The following PEAK1 variants were observed in gnomAD, a reference collection of about 807,000 sequenced individuals.
PEAK1 encodes the protein pseudopodium enriched atypical kinase 1, also known as inactive tyrosine-protein kinase PEAK1.
PEAK1 carries 54 observed loss-of-function variants against 124.7 expected under a neutral mutation model. That is an observed-to-expected ratio of 0.43 (90% CI 0.35 to 0.54). The LOEUF (loss-of-function observed/expected upper bound fraction) is 0.54. Among genes scored for constraint, PEAK1 ranks in the 20% least tolerant of loss-of-function variants. The pLI, the probability that PEAK1 is intolerant of heterozygous loss-of-function variation, is 0.01. For synonymous variants in PEAK1, 719 were observed against 760.0 expected (o/e 0.95, Z 0.89); for missense variants, 2,046 against 2,134.5 (o/e 0.96, Z 0.82).
At chr15:77,335,265 T>A (rs2066129640) in intron 2 of PEAK1, 3 of 985,428 alleles carry the variant, frequency 3.0e-6, no homozygotes, top group African/African-American at 1.7e-5. Flanking sequence ...TCCAGGACCA[T>A]AAGCAATGCT....
In PEAK1 at chr15:77,286,432, T is replaced by C. The variant is rs533638834; in HGVS notation, c.-530A>G. 160 of 1,222,490 alleles carry C rather than the reference T, an allele frequency of 1.3e-4. No individual in the cohort carries two copies. The highest frequency in any genetic ancestry group is 1.6e-4 in the Non-Finnish European group (152 of 979,912). 75.7% of individuals were successfully genotyped at this position (1,222,490 alleles called of 1,614,324 possible). The stretch of plus-strand genomic sequence containing the variant: ...AAGAAAAAGTACAAACCTGGTTTAA[T>C]TGGCTCCAACTCTGGGCATTATGTT... On this transcript the variant is annotated 5_prime_UTR_variant, in exon 3 of 10. Transcript: ENST00000682557.
chr15:77,336,362 T>G, intron 2 of PEAK1: 1 of 985,460 alleles, frequency 1.0e-6, no homozygotes, highest in Non-Finnish European at 1.2e-6. Flanking sequence ...GCTCTCATTA[T>G]AGAGACGTTT....
intron 6 of PEAK1, among the ~76,000 whole-genome samples, chr15:77,220,810 A>C (rs1465927577): frequency 6.6e-6 from 1 of 152,118 alleles, no homozygotes; most frequent in Non-Finnish European, 1.5e-5. Flanking sequence ...TCTCATAGAC[A>C]GTATAGCGAT....
chr15:77,192,967 A>G (rs1379620002), intron 6 of PEAK1, among the ~76,000 whole-genome samples: 1 of 152,210 alleles, frequency 6.6e-6, no homozygotes, highest in African/African-American at 2.4e-5. Context: ...ATCAAGGTGT[A>G]TACGCACAGA....
Position 77,109,193 on chromosome 15 carries a change from T to C in PEAK1, c.*4963A>G, listed in dbSNP as rs2050846003. On this transcript the variant is annotated 3_prime_UTR_variant, in exon 10 of 10. Transcript: ENST00000682557. ...ATCTCTTTAAAAAAATCTTCCGCTC[T>C]CAGTATTATATGATGTTCTCAAGCT... 1 of 152,186 alleles carries C rather than the reference T, an allele frequency of 6.6e-6. No individual in the cohort carries two copies. The highest frequency in any genetic ancestry group is 2.4e-5 in the African/African-American group (1 of 41,442). 9.4% of individuals were successfully genotyped at this position (152,186 alleles called of 1,614,324 possible). A position where few individuals can be genotyped will look rare whatever the true frequency, so the allele number is the denominator to read the frequency against.
At chr15:77,221,569 C>T (rs1476199875) in intron 6 of PEAK1, among the ~76,000 whole-genome samples, 1 of 151,958 alleles carries the variant, frequency 6.6e-6, no homozygotes, top group Non-Finnish European at 1.5e-5. Flanking sequence ...CTAGAGTTCC[C>T]ATTTATATAA....
chr15:77,220,270 C>T (rs950068596), intron 6 of PEAK1, among the ~76,000 whole-genome samples: 3 of 151,920 alleles, frequency 2.0e-5, no homozygotes, highest in African/African-American at 7.2e-5. Flanking sequence ...ATGTACTATG[C>T]ATTGAGGTTT....
Position 77,114,615 on chromosome 15 carries a change from C to T in PEAK1, c.4782G>A (p.Gln1594=). The change falls in exon 10 of 10, where the codon CAG becomes CAA. Residue 1594 remains glutamine (Q), a synonymous_variant. Coordinates refer to ENST00000682557, the MANE Select transcript of PEAK1 (RefSeq NM_001385026.1). ...GCATCTCATAGATGAGGATGCCTGT[C>T]TGGAACTCATCACACTTTTTATACT... is the stretch of plus-strand genomic sequence containing the variant. ...ATQYKKCDEF[Q]TGILIYEMLH... 1.2e-6 allele frequency: 2 copies of T among 1,613,982 alleles called. No individual in the cohort carries two copies. The highest frequency in any genetic ancestry group is 1.7e-6 in the Non-Finnish European group (2 of 1,180,014).
chr15:77,206,741 G>A (rs1486323359), intron 6 of PEAK1, among the ~76,000 whole-genome samples: 1 of 151,884 alleles, frequency 6.6e-6, no homozygotes, highest in Admixed American at 6.6e-5. Flanking sequence ...TTTGTCAGAC[G>A]AGTAGGTTGC....
chr15:77,180,076 A>G lies in PEAK1; in HGVS notation c.1851T>C (p.Ala617=), dbSNP rs758133618. 1.2e-6 allele frequency: 2 copies of G among 1,614,102 alleles called. No homozygotes were observed. The highest frequency in any genetic ancestry group is 4.5e-5 in the East Asian group (2 of 44,886). The change falls in exon 7 of 10, where the codon GCT becomes GCC. Residue 617 remains alanine (A), a synonymous_variant. Transcript: ENST00000682557. The stretch of plus-strand genomic sequence containing the variant: ...CTTTGATAGCATTTTTGGAACTCCG[A>G]GCATAAGTTGGCTCGTCATGAATGA... ...PIIIHDEPTY[A]RSSKNAIKVP...
chr15:77,322,047 T>C (rs1243103841), intron 2 of PEAK1, among the ~76,000 whole-genome samples: 2 of 151,974 alleles, frequency 1.3e-5, no homozygotes, highest in South Asian at 2.1e-4. Context: ...CATAACGAAA[T>C]GAAGGCAGAA....
rs1044825939 is a variant in PEAK1 at position 77,413,322 on chromosome 15, G to T, written c.-666+6684C>A. 2.6e-4 allele frequency among the ~76,000 whole-genome samples: 39 copies of T among 152,190 alleles called. 1 individual carries two copies. The highest frequency in any genetic ancestry group is 6.2e-4 in the South Asian group (3 of 4,828). On this transcript the variant is annotated intron_variant, in intron 1 of 9. Transcript: ENST00000682557. ...AAGTGTGGGCTACACTTAGCAACCT[G>T]TTTCTAGTGCACGGACTATGGGAAA...
chr15:77,298,196 AATTTTTTTTTTTTTTT>A (rs2063600949), intron 2 of PEAK1, among the ~76,000 whole-genome samples: 6 of 62,934 alleles, frequency 9.5e-5, no homozygotes, highest in African/African-American at 4.8e-4. Context: ...TGGTATCCTT[AATTTTTTTTTTTTTTT>A]TTTTTTTTTT....
At chr15:77,172,924 T>A (rs2056608468) in intron 7 of PEAK1, among the ~76,000 whole-genome samples, 3 of 152,116 alleles carry the variant, frequency 2.0e-5, no homozygotes, top group South Asian at 4.1e-4. Context: ...AGCTAATTTT[T>A]AAAATTTTTA....
chr15:77,318,186 C>CAT (rs2064991571), intron 2 of PEAK1, among the ~76,000 whole-genome samples: 1 of 151,924 alleles, frequency 6.6e-6, no homozygotes, highest in Non-Finnish European at 1.5e-5. Flanking sequence ...CACACACACA[C>CAT]AAATGTATAT....
intron 7 of PEAK1, among the ~76,000 whole-genome samples, chr15:77,174,071 T>A (rs2056690150): frequency 6.6e-6 from 1 of 152,200 alleles, no homozygotes; most frequent in Non-Finnish European, 1.5e-5. Context: ...ATATTTGAAG[T>A]TCAACCCAAG....
At chr15:77,323,942 A>G (rs2065405417) in intron 2 of PEAK1, among the ~76,000 whole-genome samples, 2 of 152,168 alleles carry the variant, frequency 1.3e-5, no homozygotes, top group Admixed American at 1.3e-4. Flanking sequence ...AGAGATACAG[A>G]CCAATGGAAC....
chr15:77,309,945 A>G (rs908463817), intron 2 of PEAK1, among the ~76,000 whole-genome samples: 17 of 152,222 alleles, frequency 1.1e-4, no homozygotes, highest in African/African-American at 3.9e-4. Flanking sequence ...CCTGGAGAAA[A>G]ACTGTTTAGG....
At chr15:77,253,021 AT>A (rs1178699411) in intron 5 of PEAK1, among the ~76,000 whole-genome samples, 1 of 152,182 alleles carries the variant, frequency 6.6e-6, no homozygotes, top group Non-Finnish European at 1.5e-5. Context: ...GTTTTTAAAA[AT>A]ATCACCCAAA....
Sources: allele counts gnomAD v4.1 joint callset (sites outside exome capture counted in the v4.1 genomes callset), GRCh38; gene constraint gnomAD v4.1.1; transcripts MANE v1.5; gene names NCBI Gene and HGNC (gene_info 2026-07-23, HGNC 2026-07-21).